The following CEP89 variants were observed in gnomAD, a reference collection of about 807,000 sequenced individuals.
CEP89 encodes centrosomal protein of 89 kDa.
CEP89 carries 95 observed loss-of-function variants against 97.6 expected under a neutral mutation model. That is an observed-to-expected ratio of 0.97 (90% CI 0.82 to 1.15). The LOEUF is 1.15. Ranked by LOEUF, CEP89 falls within the 50% of genes most tolerant of loss-of-function variation. CEP89 has a pLI of 0.00. For synonymous variants in CEP89, 354 were observed against 349.1 expected (o/e 1.01, Z -0.16); for missense variants, 869 against 947.7 (o/e 0.92, Z 1.09).
intron 14 of CEP89, among the ~76,000 whole-genome samples, chr19:32,904,750 C>T (rs1969854731): frequency 6.6e-6 from 1 of 152,100 alleles, no homozygotes; most frequent in African/African-American, 2.4e-5. Context: ...CGCCATCACA[C>T]CCAGCGAATT....
chr19:32,891,436 G>A (rs915285260), intron 16 of CEP89, among the ~76,000 whole-genome samples: 3 of 151,912 alleles, frequency 2.0e-5, no homozygotes, highest in Non-Finnish European at 2.9e-5. Context: ...ATCAATGAAA[G>A]GACATAATAA....
chr19:32,955,685 T>C (rs1350691730), intron 3 of CEP89, among the ~76,000 whole-genome samples: 1 of 151,986 alleles, frequency 6.6e-6, no homozygotes, highest in Non-Finnish European at 1.5e-5. Context: ...GGCTAATTTT[T>C]GTATTTTTAG....
chr19:32,932,034 A>G (rs1025925733), intron 8 of CEP89, among the ~76,000 whole-genome samples: 1 of 152,128 alleles, frequency 6.6e-6, no homozygotes, highest in Non-Finnish European at 1.5e-5. Flanking sequence ...ACAAAAAATT[A>G]GCCGGGCGTA....
intron 14 of CEP89, among the ~76,000 whole-genome samples, chr19:32,913,472 ATG>A (rs1194376694): frequency 1.3e-5 from 2 of 151,908 alleles, no homozygotes; most frequent in Non-Finnish European, 2.9e-5. Flanking sequence ...GCACATACAC[ATG>A]TAATTATACA....
chr19:32,957,589 G>C (rs10413147), intron 3 of CEP89, among the ~76,000 whole-genome samples: 137,122 of 152,216 alleles, frequency 0.9, 61,955 homozygotes, highest in African/African-American at 0.98. Context: ...GTGGGCAGAT[G>C]GCTTGAGGCC....
At position 32,933,508 on chromosome 19, in the gene CEP89, C is replaced by T. The variant is rs1456718267; in HGVS notation, c.829G>A (p.Gly277Arg). Residue 277 changes from glycine (G) to arginine (R), a missense_variant, in exon 8 of 19, where the codon GGA (glycine) becomes AGA (arginine). Physicochemically the swap from Gly to Arg is moderately radical, Grantham distance 125. Transcript: ENST00000305768. Reference sequence around the variant, plus strand: ...AGCTTTCTCTTCTCTTTTTCCATTCCCTTAAGTTTTAACTGTAGTTCTTTC... The same window carrying T: ...AGCTTTCTCTTCTCTTTTTCCATTCTCTTAAGTTTTAACTGTAGTTCTTTC... ...AMKELQLKLK[G>R]MEKEKRKLKE... is the part of the protein sequence containing the mutation. The T allele has an allele frequency of 1.2e-6, 2 of 1,614,050 alleles. No homozygotes were observed. Among genetic ancestry groups the T allele is most frequent in the Middle Eastern group, 1.6e-4 (1 of 6,062 alleles).
At chr19:32,945,423 G>T (rs1294503088) in intron 5 of CEP89, among the ~76,000 whole-genome samples, 3 of 152,208 alleles carry the variant, frequency 2.0e-5, no homozygotes, top group Non-Finnish European at 4.4e-5. Flanking sequence ...TGCAGGAGCT[G>T]CAATCCCTCC....
At chr19:32,909,991 T>C (rs1969964540) in intron 14 of CEP89, among the ~76,000 whole-genome samples, 1 of 152,226 alleles carries the variant, frequency 6.6e-6, no homozygotes, top group South Asian at 2.1e-4. Context: ...CCAGATGCAG[T>C]GGCTCATGCC....
At chr19:32,917,830 C>G (rs887478754) in intron 13 of CEP89, 1 of 982,868 alleles carries the variant, frequency 1.0e-6, no homozygotes, top group Admixed American at 6.1e-5. Flanking sequence ...AGGAAGGACA[C>G]AGGGGAACTG....
At chr19:32,963,479 T>A (rs1971212049) in intron 2 of CEP89, 1 of 152,180 alleles carries the variant, frequency 6.6e-6, no homozygotes, top group Non-Finnish European at 1.5e-5. Flanking sequence ...GCTCTTTTAT[T>A]CTAAACTGGG....
At chr19:32,949,036 T>C (rs1970857361) in intron 4 of CEP89, among the ~76,000 whole-genome samples, 1 of 152,138 alleles carries the variant, frequency 6.6e-6, no homozygotes, top group Admixed American at 6.5e-5. Context: ...CCTGTGTTAA[T>C]CATTTCTATG....
intron 12 of CEP89, among the ~76,000 whole-genome samples, chr19:32,920,023 C>G (rs928747784): frequency 6.6e-6 from 1 of 151,744 alleles, no homozygotes; most frequent in Non-Finnish European, 1.5e-5. Context: ...TCCTCCCTTC[C>G]TTCATTCATT....
At chr19:32,942,849 C>CTTTTT (rs757161677) in intron 5 of CEP89, among the ~76,000 whole-genome samples, 2 of 136,370 alleles carry the variant, frequency 1.5e-5, no homozygotes, top group Non-Finnish European at 1.6e-5. Flanking sequence ...CTATTCCAGT[C>CTTTTT]TTTTTTTTTT....
intron 4 of CEP89, among the ~76,000 whole-genome samples, chr19:32,949,396 CTTTTTT>C (rs969958915): frequency 6.7e-6 from 1 of 148,158 alleles, no homozygotes; most frequent in Non-Finnish European, 1.5e-5. Flanking sequence ...TTTTTTTTTT[CTTTTTT>C]TAAGACATGG....
At chr19:32,892,313 T>C (rs1969546873) in intron 16 of CEP89, among the ~76,000 whole-genome samples, 1 of 150,160 alleles carries the variant, frequency 6.7e-6, no homozygotes, top group East Asian at 2.0e-4. Flanking sequence ...TTCCTTTTTT[T>C]TTCTTTTTGA....
intron 5 of CEP89, 40 bp from the exon 6 acceptor site, chr19:32,939,925 G>A: frequency 1.0e-6 from 1 of 974,414 alleles, no homozygotes; most frequent in South Asian, 1.4e-5. Flanking sequence ...TTTTAAAGTA[G>A]ATAATGAAAT....
intron 5 of CEP89, among the ~76,000 whole-genome samples, chr19:32,942,688 GTTCTTA>G (rs1970711858): frequency 6.6e-6 from 1 of 152,088 alleles, no homozygotes; most frequent in African/African-American, 2.4e-5. Context: ...TGTGTCCTGT[GTTCTTA>G]TTTATCATTT....
chr19:32,903,183 A>AG (rs1342498796), intron 14 of CEP89, among the ~76,000 whole-genome samples: 1 of 37,338 alleles, frequency 2.7e-5, no homozygotes, highest in Non-Finnish European at 5.3e-5. Flanking sequence ...TTCTACAAAA[A>AG]GAAAAAAAAA....
At chr19:32,960,901 G>C (rs2145970410) in intron 2 of CEP89, among the ~76,000 whole-genome samples, 1 of 152,330 alleles carries the variant, frequency 6.6e-6, no homozygotes, top group South Asian at 2.1e-4. Context: ...AGGAGGAATG[G>C]GTGGAGCCAG....
Sources: gnomAD v4.1 joint callset for allele counts (sites outside exome capture counted in the v4.1 genomes callset) on GRCh38, gnomAD v4.1.1 for gene constraint, MANE v1.5 for transcripts, NCBI Gene and HGNC (gene_info 2026-07-23, HGNC 2026-07-21) for gene names.